Variants in FGD6 observed in about 807,000 individuals in gnomAD.
The protein encoded by FGD6 is FYVE, RhoGEF and PH domain-containing protein 6.
Under a neutral mutation model 149.4 loss-of-function variants are expected in FGD6, and 90 were observed. That is an observed-to-expected ratio of 0.60 (90% CI 0.51 to 0.72). The LOEUF (loss-of-function observed/expected upper bound fraction) is 0.72. Among genes scored for constraint, FGD6 ranks in the 30% least tolerant of loss-of-function variants. The pLI is 0.00. For missense variants in FGD6, 1,437 were observed against 1,684.8 expected (o/e 0.85, Z 2.57); for synonymous variants, 527 against 584.0 (o/e 0.90, Z 1.41).
At chr12:95,181,329 T>C (rs1030561303) in intron 2 of FGD6, among the ~76,000 whole-genome samples, 1 of 152,180 alleles carries the variant, frequency 6.6e-6, no homozygotes, top group Non-Finnish European at 1.5e-5. Context: ...CAAGTAAAGA[T>C]GATCATGTGC....
chr12:95,212,794 C>T (rs530290182), intron 1 of FGD6, among the ~76,000 whole-genome samples: 1 of 152,002 alleles, frequency 6.6e-6, no homozygotes, highest in African/African-American at 2.4e-5. Flanking sequence ...AGCTATTACA[C>T]GGAACTGAGT....
Position 95,081,552 on chromosome 12 carries a change from TC to T in FGD6, c.4260del (p.Trp1420Ter). 6.2e-7 allele frequency: 1 copy of T among 1,605,346 alleles called. No homozygotes were observed. ...ATTGTGCCTTCCTGAAATGCTTCTA[TC>T]CACCTATTGATAAGAGAAATCGGTT... ...KAEDAHSAQK[W>X]IEAFQEGTIL is the part of the protein sequence containing the mutation. On this transcript the variant is annotated frameshift_variant, in exon 21 of 21. Transcript: ENST00000343958. LOFTEE classifies it high-confidence loss of function.
intron 2 of FGD6, among the ~76,000 whole-genome samples, chr12:95,175,963 A>T (rs932018489): frequency 8.5e-5 from 13 of 152,206 alleles, no homozygotes; most frequent in Non-Finnish European, 1.5e-4. Flanking sequence ...AAGGGAGCAG[A>T]TTTTAAAGGA....
intron 2 of FGD6, among the ~76,000 whole-genome samples, chr12:95,207,100 C>A (rs1592877641): frequency 6.6e-6 from 1 of 151,702 alleles, no homozygotes; most frequent in African/African-American, 2.4e-5. Flanking sequence ...TGGGAGGGAC[C>A]CGGTGGGAGG....
rs889711719 is a variant in FGD6, at chr12:95,079,370, A to C, written c.*2150T>G. 3 of 152,228 alleles carry C rather than the reference A, an allele frequency of 2.0e-5. No individual in the cohort carries two copies. Among genetic ancestry groups the C allele is most frequent in the African/African-American group, 7.2e-5 (3 of 41,464 alleles). 9.4% of individuals were successfully genotyped at this position (152,228 alleles called of 1,614,324 possible). ...TTCTTCCCTCTCTCACTCTCTTTAGATTTAGAACTGGCTCATGATTCAGCC... is the reference window on the plus strand; with the variant it reads ...TTCTTCCCTCTCTCACTCTCTTTAGCTTTAGAACTGGCTCATGATTCAGCC... On this transcript the variant is annotated 3_prime_UTR_variant, in exon 21 of 21. Coordinates refer to ENST00000343958, the MANE Select transcript of FGD6 (RefSeq NM_018351.4).
chr12:95,122,119 C>T (rs1879208258), intron 8 of FGD6, among the ~76,000 whole-genome samples: 1 of 152,168 alleles, frequency 6.6e-6, no homozygotes, highest in African/African-American at 2.4e-5. Flanking sequence ...TATTATTTAA[C>T]AATGTACATA....
chr12:95,125,519 A>G (rs1254491916), intron 8 of FGD6, among the ~76,000 whole-genome samples: 1 of 152,122 alleles, frequency 6.6e-6, no homozygotes, highest in Non-Finnish European at 1.5e-5. Context: ...GCCTGTAGCC[A>G]CAGCTACTTG....
chr12:95,117,249 G>A (rs1328284863), intron 8 of FGD6, among the ~76,000 whole-genome samples: 1 of 151,994 alleles, frequency 6.6e-6, no homozygotes, highest in African/African-American at 2.4e-5. Flanking sequence ...GAAAAAAAAA[G>A]CAGATGTTGG....
intron 2 of FGD6, among the ~76,000 whole-genome samples, chr12:95,184,230 T>C (rs563959395): frequency 6.2e-4 from 94 of 152,308 alleles, no homozygotes; most frequent in African/African-American, 2.2e-3. Flanking sequence ...TATTTAAGTG[T>C]ATCAGTTTCC....
At chr12:95,187,680 C>G (rs1053981681) in intron 2 of FGD6, among the ~76,000 whole-genome samples, 9 of 149,792 alleles carry the variant, frequency 6.0e-5, no homozygotes, top group Middle Eastern at 3.4e-3. Flanking sequence ...AAAAAAGTGA[C>G]TTCAGAGAGG....
Position 95,156,071 on chromosome 12 carries a change from T to C in FGD6, c.2587-3078A>G, listed in dbSNP as rs1370591472. ...TAAGCTGAGGGGGATGTATGTTGCC[T>C]CAGGACCCTGTGATGATTGTGTTAA... is the stretch of plus-strand genomic sequence containing the variant. On this transcript the variant is annotated intron_variant, in intron 3 of 20. Transcript: ENST00000343958. Among the ~76,000 whole-genome samples, 3 of 152,286 alleles carry C rather than the reference T, an allele frequency of 2.0e-5. No homozygotes were observed. The East Asian group carries it at 5.8e-4, about 29-fold the overall frequency.
chr12:95,174,927 CAAAAA>C (rs10687970), intron 2 of FGD6, among the ~76,000 whole-genome samples: 2 of 84,678 alleles, frequency 2.4e-5, no homozygotes, highest in African/African-American at 5.3e-5. Context: ...ACTCCATCTC[CAAAAA>C]AAAAAAAAAA....
At chr12:95,138,592 G>T (rs974820653) in intron 6 of FGD6, among the ~76,000 whole-genome samples, 1 of 151,568 alleles carries the variant, frequency 6.6e-6, no homozygotes, top group Non-Finnish European at 1.5e-5. Context: ...GCATACAAAG[G>T]CCTGCCCTTT....
At chr12:95,163,084 T>C (rs1880692723) in intron 3 of FGD6, among the ~76,000 whole-genome samples, 1 of 152,176 alleles carries the variant, frequency 6.6e-6, no homozygotes. Context: ...CTATCACAGA[T>C]GGATAACAAA....
chr12:95,186,085 C>T (rs1881420606), intron 2 of FGD6, among the ~76,000 whole-genome samples: 1 of 151,956 alleles, frequency 6.6e-6, no homozygotes, highest in Non-Finnish European at 1.5e-5. Flanking sequence ...AGTATAATAC[C>T]TTTCTTGCAT....
At chr12:95,143,897 C>T (rs11107913) in intron 5 of FGD6, among the ~76,000 whole-genome samples, 2,794 of 152,238 alleles carry the variant, frequency 0.018, 83 homozygotes, top group African/African-American at 0.062. Context: ...AAGCAATAAG[C>T]GCCACCCTTT....
chr12:95,102,454 A>AC (rs1878476739), intron 14 of FGD6, among the ~76,000 whole-genome samples: 4 of 151,056 alleles, frequency 2.6e-5, no homozygotes, highest in African/African-American at 9.7e-5. Context: ...AAAAAAAAAA[A>AC]AAAAAAAAAA....
intron 3 of FGD6, among the ~76,000 whole-genome samples, chr12:95,153,950 T>TGA (rs66485554): frequency 0.048 from 6,764 of 141,088 alleles, 158 homozygotes; most frequent in Middle Eastern, 0.062. Flanking sequence ...TGTGTGTGAG[T>TGA]GAGAGAGAGA....
intron 2 of FGD6, among the ~76,000 whole-genome samples, chr12:95,200,177 C>A (rs563700462): frequency 3.9e-4 from 59 of 151,744 alleles, no homozygotes; most frequent in Admixed American, 1.7e-3. Context: ...TAAATGTTAT[C>A]AAAAAAAACT....
Sources: allele counts gnomAD v4.1 joint callset (sites outside exome capture counted in the v4.1 genomes callset), GRCh38; gene constraint gnomAD v4.1.1; transcripts MANE v1.5; gene names NCBI Gene and HGNC (gene_info 2026-07-23, HGNC 2026-07-21).